The following EDIL3 variants were observed in gnomAD, a reference collection of about 807,000 sequenced individuals.
The protein encoded by EDIL3 is EGF-like repeat and discoidin I-like domain-containing protein 3.
EDIL3 carries 37 observed loss-of-function variants against 67.4 expected under a neutral mutation model. The ratio of observed to expected loss-of-function variants is 0.55; its 90% CI spans 0.42 to 0.72. The LOEUF (loss-of-function observed/expected upper bound fraction) is 0.72, where lower values mean the gene tolerates loss of function less well. Ranked by LOEUF, EDIL3 falls within the 30% of genes least tolerant of loss-of-function variation. The pLI, the probability that EDIL3 is intolerant of heterozygous loss-of-function variation, is 0.00. For missense variants in EDIL3, 527 were observed against 586.3 expected (o/e 0.90, Z 1.04); for synonymous variants, 195 against 196.3 (o/e 0.99, Z 0.05).
intron 6 of EDIL3, among the ~76,000 whole-genome samples, chr5:84,076,454 G>C (rs1209113490): frequency 2.0e-5 from 3 of 151,984 alleles, no homozygotes; most frequent in African/African-American, 7.2e-5. Flanking sequence ...AAATCCATTG[G>C]TCTATTTTGC....
intron 9 of EDIL3, among the ~76,000 whole-genome samples, chr5:83,973,850 GA>G (rs1034115978): frequency 6.6e-6 from 1 of 151,812 alleles, no homozygotes; most frequent in Non-Finnish European, 1.5e-5. Context: ...AAAGTAATTG[GA>G]AAAACCACAA....
chr5:84,188,105 A>C (rs552971785), intron 3 of EDIL3, among the ~76,000 whole-genome samples: 27 of 151,836 alleles, frequency 1.8e-4, no homozygotes, highest in Admixed American at 1.3e-4. Context: ...CTGTTGATAA[A>C]TTTTCTTCTC....
At chr5:84,351,967 T>C (rs1409993982) in intron 1 of EDIL3, among the ~76,000 whole-genome samples, 1 of 151,780 alleles carries the variant, frequency 6.6e-6, no homozygotes, top group Non-Finnish European at 1.5e-5. Context: ...CATTAAAAAG[T>C]GGGCAAAGGA....
At chr5:84,121,534 G>GATCTATCTATCT (rs544249908) in intron 5 of EDIL3, among the ~76,000 whole-genome samples, 122 of 99,990 alleles carry the variant, frequency 1.2e-3, no homozygotes, top group African/African-American at 3.8e-3. Context: ...CACTAACTTA[G>GATCTATCTATCT]ATCGATCTAT....
chr5:83,981,505 T>G (rs1045371793), intron 9 of EDIL3, among the ~76,000 whole-genome samples: 1 of 152,094 alleles, frequency 6.6e-6, no homozygotes, highest in African/African-American at 2.4e-5. Context: ...TTTTGCTTCT[T>G]AAATATTCAG....
intron 3 of EDIL3, among the ~76,000 whole-genome samples, chr5:84,225,000 A>T (rs1744421342): frequency 6.6e-6 from 1 of 151,532 alleles, no homozygotes; most frequent in Non-Finnish European, 1.5e-5. Context: ...TAGTTCATTG[A>T]TGTGTTTTTA....
intron 1 of EDIL3, among the ~76,000 whole-genome samples, chr5:84,324,433 T>C (rs1287080785): frequency 6.6e-6 from 1 of 151,748 alleles, no homozygotes; most frequent in Non-Finnish European, 1.5e-5. Context: ...AAAGAGTAAA[T>C]ACATACTTTC....
intron 4 of EDIL3, among the ~76,000 whole-genome samples, chr5:84,163,652 C>T (rs760042898): frequency 3.3e-5 from 5 of 151,962 alleles, no homozygotes; most frequent in African/African-American, 7.3e-5. Context: ...AATCTATCTA[C>T]GTAACTTAGA....
At chr5:83,989,471 T>G (rs1228785142) in intron 9 of EDIL3, among the ~76,000 whole-genome samples, 1 of 152,226 alleles carries the variant, frequency 6.6e-6, no homozygotes, top group African/African-American at 2.4e-5. Flanking sequence ...TCTCAAAATA[T>G]GCATTGCTCC....
In EDIL3 at chr5:83,947,363, CTGTGTCTGTG is replaced by C. The variant is rs1169950734; in HGVS notation, c.1294-3805_1294-3796del. 9.6e-3 allele frequency among the ~76,000 whole-genome samples: 1,219 copies of C among 126,606 alleles called. 18 individuals carry two copies. Among genetic ancestry groups the C allele is most frequent in the African/African-American group, 0.033 (1,153 of 34,564 alleles). 83.1% of individuals were successfully genotyped at this position (126,606 alleles called of 152,430 possible). On this transcript the variant is annotated intron_variant, in intron 10 of 10. Transcript: ENST00000296591. ...TAGGGCAGCATGTATGTGTCTGTGT[CTGTGTCTGTG>C]TGTGTGTGTGTGTGTGTGTGTGTGT...
At position 84,229,488 on chromosome 5, in the gene EDIL3, C is replaced by T. The variant is rs559950035; in HGVS notation, c.226+367G>A. On this transcript the variant is annotated intron_variant, in intron 3 of 10. Transcript: ENST00000296591. ...AAGGTATTTCTGAAAGTTTATTTTA[C>T]CATTTTCCTCCTTTTTAATCTTAAT... Among the ~76,000 whole-genome samples the T allele has an allele frequency of 1.4e-4, 21 of 152,150 alleles. No individual in the cohort carries two copies. The South Asian group carries it at 3.9e-3, about 29-fold the overall frequency.
chr5:84,162,623 C>T (rs1045319051), intron 4 of EDIL3, among the ~76,000 whole-genome samples: 3 of 152,004 alleles, frequency 2.0e-5, no homozygotes, highest in African/African-American at 7.3e-5. Context: ...TGCTCTGTGC[C>T]CTGGATCCCC....
At chr5:84,297,235 A>C (rs907160323) in intron 1 of EDIL3, among the ~76,000 whole-genome samples, 4 of 151,730 alleles carry the variant, frequency 2.6e-5, no homozygotes, top group African/African-American at 9.7e-5. Context: ...ATAAACAGAC[A>C]CTTTTCTAAA....
chr5:84,194,701 T>A (rs1169252986), intron 3 of EDIL3, among the ~76,000 whole-genome samples: 1 of 151,948 alleles, frequency 6.6e-6, no homozygotes. Context: ...TTATTTCTAC[T>A]TTTCCAGCAT....
intron 10 of EDIL3, among the ~76,000 whole-genome samples, chr5:83,953,537 T>A (rs1178885566): frequency 6.6e-6 from 1 of 151,824 alleles, no homozygotes; most frequent in Non-Finnish European, 1.5e-5. Flanking sequence ...CACTCATATA[T>A]GAGGAATGTC....
chr5:84,069,972 G>A (rs1327081954), intron 6 of EDIL3, among the ~76,000 whole-genome samples: 1 of 152,018 alleles, frequency 6.6e-6, no homozygotes, highest in Non-Finnish European at 1.5e-5. Context: ...GAGCACCACC[G>A]ACAGGCACCG....
rs554286958 is a variant in EDIL3, at chr5:84,180,333, G to A, written c.355+60C>T. Reference sequence around the variant, plus strand: ...TGATTCTACTACAAACAAGAATGATGATGGCTTGTATACTTTGTAATCAAT... The same window carrying A: ...TGATTCTACTACAAACAAGAATGATAATGGCTTGTATACTTTGTAATCAAT... On this transcript the variant is annotated intron_variant, in intron 4 of 10. Transcript: ENST00000296591. The A allele has an allele frequency of 1.8e-5, 27 of 1,480,552 alleles. No homozygotes were observed. In the South Asian group the frequency reaches 3.6e-4, roughly 20 times the overall value. 91.7% of individuals were successfully genotyped at this position (1,480,552 alleles called of 1,614,324 possible).
At chr5:84,189,442 A>T (rs548619148) in intron 3 of EDIL3, among the ~76,000 whole-genome samples, 4 of 151,988 alleles carry the variant, frequency 2.6e-5, no homozygotes, top group Non-Finnish European at 5.9e-5. Context: ...ACAGGTAATC[A>T]TTGTGGCACA....
intron 9 of EDIL3, among the ~76,000 whole-genome samples, chr5:84,000,007 GAA>G (rs70975533): frequency 0.072 from 10,660 of 147,254 alleles, 1,165 homozygotes; most frequent in African/African-American, 0.24. Context: ...AGTGCTAAAG[GAA>G]AAAAAAAAAA....
Sources: gnomAD v4.1 joint callset for allele counts (sites outside exome capture counted in the v4.1 genomes callset) on GRCh38, gnomAD v4.1.1 for gene constraint, MANE v1.5 for transcripts, NCBI Gene and HGNC (gene_info 2026-07-23, HGNC 2026-07-21) for gene names.